The following LIMCH1 variants were observed in gnomAD, a reference collection of about 807,000 sequenced individuals.
LIMCH1 encodes the protein LIM and calponin homology domains-containing protein 1.
Under a neutral mutation model 176.5 loss-of-function variants are expected in LIMCH1, and 113 were observed. That is an observed-to-expected ratio of 0.64 (90% CI 0.55 to 0.75). LIMCH1 has a LOEUF of 0.75. LIMCH1 is among the 30% of genes least tolerant of loss of function. LIMCH1 has a pLI of 0.00. For synonymous variants in LIMCH1, 619 were observed against 645.9 expected (o/e 0.96, Z 0.63); for missense variants, 1,674 against 1,814.9 (o/e 0.92, Z 1.41).
At chr4:41,622,892 G>C (rs1416076780) in intron 7 of LIMCH1, among the ~76,000 whole-genome samples, 1 of 152,118 alleles carries the variant, frequency 6.6e-6, no homozygotes, top group Non-Finnish European at 1.5e-5. Context: ...TTGGGCTCTG[G>C]ATAATTATGC....
intron 1 of LIMCH1, among the ~76,000 whole-genome samples, chr4:41,461,163 A>G (rs1393786110): frequency 6.6e-6 from 1 of 152,338 alleles, no homozygotes; most frequent in East Asian, 1.9e-4. Context: ...TCTGAGGTAG[A>G]TACTGTTGTT....
chr4:41,619,266 G>T lies in LIMCH1; in HGVS notation c.284G>T (p.Arg95Leu). The T allele has an allele frequency of 6.2e-7, 1 of 1,614,186 alleles. No homozygotes were observed. The highest frequency in any genetic ancestry group is 8.5e-7 in the Non-Finnish European group (1 of 1,180,036). Residue 95 changes from arginine to leucine, a missense_variant, in exon 6 of 32, where the codon CGG becomes CTG. By Grantham distance (102) the Arg-to-Leu change is moderately radical. This residue lies in a region of LIMCH1 where 655 missense variants were observed against 692.2 expected (regional missense o/e 0.95). Transcript: ENST00000503057. ...DVKKDDMSAR[R>L]TSHGEPKSAV... ...AAGAAGGATGACATGTCTGCACGGC[G>T]GACTTCCCATGGTGAGCCGAAATCA...
rs181480391 is a variant in LIMCH1 at position 41,506,023 on chromosome 4, T to G, written c.167+11417T>G. Among the ~76,000 whole-genome samples, 335 of 151,858 alleles carry G rather than the reference T, an allele frequency of 2.2e-3. 5 individuals carry two copies. Among genetic ancestry groups the G allele is most frequent in the Admixed American group, 0.021 (319 of 15,264 alleles). ...AGACTGGGAGACCAAAGGATGGATG[T>G]ATTTGCTTTCTTCAAGTGTAAGATT... On this transcript the variant is annotated intron_variant, in intron 2 of 26. Coordinates refer to the LIMCH1 transcript ENST00000313860.
Position 41,682,672 on chromosome 4 carries a change from C to CTTTTTTTTTT in LIMCH1, c.3845+214_3845+215insTTTTTTTTTT, listed in dbSNP as rs1479823691. ...TATAAATAGCCTTATTTTTTTTCTT[C>CTTTTTTTTTT]TTCTTCTTTTTTTTTTTTTTGCTTG... On this transcript the variant is annotated intron_variant, in intron 26 of 31. Coordinates refer to ENST00000503057, the MANE Select transcript of LIMCH1 (RefSeq NM_001330672.2). Among the ~76,000 whole-genome samples the CTTTTTTTTTT allele has an allele frequency of 5.0e-5, 7 of 139,994 alleles. 1 individual carries two copies. Among genetic ancestry groups the CTTTTTTTTTT allele is most frequent in the Middle Eastern group, 4.0e-3 (1 of 250 alleles). 91.8% of individuals were successfully genotyped at this position (139,994 alleles called of 152,430 possible). A position where few individuals can be genotyped will look rare whatever the true frequency, so the allele number is the denominator to read the frequency against.
At chr4:41,573,484 A>C (rs768738209) in intron 1 of LIMCH1, among the ~76,000 whole-genome samples, 1 of 152,188 alleles carries the variant, frequency 6.6e-6, no homozygotes, top group Non-Finnish European at 1.5e-5. Context: ...ACTGTGCATC[A>C]CTTTTCCAGC....
chr4:41,502,962 A>T (rs984945441), intron 2 of LIMCH1, among the ~76,000 whole-genome samples: 2 of 151,764 alleles, frequency 1.3e-5, no homozygotes, highest in African/African-American at 2.4e-5. Context: ...ATAACTATAT[A>T]ACCATGCTTG....
intron 1 of LIMCH1, among the ~76,000 whole-genome samples, chr4:41,490,762 T>C (rs1561528734): frequency 6.6e-6 from 1 of 152,246 alleles, no homozygotes; most frequent in Non-Finnish European, 1.5e-5. Flanking sequence ...CCGCCATCGT[T>C]ATCACGGCCC....
upstream of LIMCH1, among the ~76,000 whole-genome samples, chr4:41,534,337 G>GA (rs1218836290): frequency 6.6e-6 from 1 of 152,024 alleles, no homozygotes; most frequent in African/African-American, 2.4e-5. Flanking sequence ...CACTGGCAAT[G>GA]AAAAAAATGC....
At chr4:41,634,534 G>C (rs2093480689) in intron 13 of LIMCH1, among the ~76,000 whole-genome samples, 1 of 152,108 alleles carries the variant, frequency 6.6e-6, no homozygotes, top group Non-Finnish European at 1.5e-5. Flanking sequence ...GAGAACAGTA[G>C]GTAATCTCTC....
chr4:41,361,954 G>A (rs1328932862), intron 1 of LIMCH1, among the ~76,000 whole-genome samples: 2 of 152,180 alleles, frequency 1.3e-5, no homozygotes, highest in Non-Finnish European at 2.9e-5. Flanking sequence ...GTAGTTCAGA[G>A]GAGGAAGTGT....
At chr4:41,639,652 A>G (rs1314058934) in intron 14 of LIMCH1, among the ~76,000 whole-genome samples, 2 of 152,104 alleles carry the variant, frequency 1.3e-5, no homozygotes, top group African/African-American at 2.4e-5. Flanking sequence ...GACCACATTA[A>G]CTCTGCTTCA....
At chr4:41,612,884 G>C in intron 4 of LIMCH1, 1 of 1,235,176 alleles carries the variant, frequency 8.1e-7, no homozygotes, top group South Asian at 1.9e-5. Flanking sequence ...TTTTGCCTCA[G>C]AAAGACAGCT....
intron 14 of LIMCH1, among the ~76,000 whole-genome samples, chr4:41,639,569 A>C (rs753498084): frequency 2.0e-5 from 3 of 152,112 alleles, no homozygotes; most frequent in Admixed American, 6.5e-5. Flanking sequence ...TTTTCACTCA[A>C]CCAAGCAGAG....
chr4:41,515,956 G>A (rs1027218761), intron 2 of LIMCH1, among the ~76,000 whole-genome samples: 3 of 152,212 alleles, frequency 2.0e-5, no homozygotes, highest in Admixed American at 2.0e-4. Context: ...GGTTTTAGCT[G>A]CGCAAAGGAA....
chr4:41,581,239 A>ATATG (rs1353806770), intron 1 of LIMCH1, among the ~76,000 whole-genome samples: 1 of 152,142 alleles, frequency 6.6e-6, no homozygotes, highest in African/African-American at 2.4e-5. Context: ...ATGATTTGGT[A>ATATG]TATGTATACA....
intron 1 of LIMCH1, among the ~76,000 whole-genome samples, chr4:41,413,875 G>A (rs1375787969): frequency 6.6e-6 from 1 of 152,142 alleles, no homozygotes; most frequent in African/African-American, 2.4e-5. Flanking sequence ...AAAAGGAAGT[G>A]GTTGAGGGAG....
chr4:41,603,883 A>G lies in LIMCH1; in HGVS notation c.-125A>G. Reference sequence around the variant, plus strand: ...TCCCTTTCCTTGACTAGGAGCCTTGATTATAGTAGGAAGCTGAAAAATGTA... The same window carrying G: ...TCCCTTTCCTTGACTAGGAGCCTTGGTTATAGTAGGAAGCTGAAAAATGTA... On this transcript the variant is annotated 5_prime_UTR_variant, in exon 3 of 32. Coordinates refer to ENST00000503057, the MANE Select transcript of LIMCH1 (RefSeq NM_001330672.2). 1 of 1,607,014 alleles carries G rather than the reference A, an allele frequency of 6.2e-7. No individual in the cohort carries two copies.
intron 1 of LIMCH1, among the ~76,000 whole-genome samples, chr4:41,447,006 A>G (rs568566513): frequency 7.0e-4 from 107 of 152,342 alleles, no homozygotes; most frequent in African/African-American, 2.5e-3. Context: ...AGGCAGGCAG[A>G]TCACTTGAGC....
intron 1 of LIMCH1, among the ~76,000 whole-genome samples, chr4:41,447,145 G>T (rs1180886358): frequency 1.3e-5 from 2 of 152,112 alleles, no homozygotes; most frequent in Non-Finnish European, 2.9e-5. Flanking sequence ...TGGGAAAATC[G>T]CCTGAGCCCA....
Sources: allele counts gnomAD v4.1 joint callset (sites outside exome capture counted in the v4.1 genomes callset), GRCh38; gene constraint gnomAD v4.1.1; regional missense constraint gnomAD v4.1.1; transcripts MANE v1.5; gene names NCBI Gene and HGNC (gene_info 2026-07-23, HGNC 2026-07-21).